ZNF638: variants seen among roughly 807,000 people sequenced by gnomAD.
The protein encoded by ZNF638 is CTCL tumor antigen se33-1.
Under a neutral mutation model 195.6 loss-of-function variants are expected in ZNF638, and 46 were observed. The observed-to-expected ratio is 0.24, with a 90% CI of 0.19 to 0.30. The LOEUF (loss-of-function observed/expected upper bound fraction) is 0.30. ZNF638 is among the 10% of genes least tolerant of loss of function. The probability of loss-of-function intolerance (pLI) is 1.00; values close to 1 mark genes in which losing one functional copy is unlikely to be tolerated. For missense variants in ZNF638, 2,440 were observed against 2,325.3 expected, an observed-to-expected ratio of 1.05 and a Z score of -1.01; for synonymous variants, 845 against 772.0, an observed-to-expected ratio of 1.09 and a Z score of -1.57.
chr2:71,373,773 TTTTC>T (rs1276981804), intron 8 of ZNF638, among the ~76,000 whole-genome samples: 2 of 152,202 alleles, frequency 1.3e-5, no homozygotes, highest in East Asian at 1.9e-4. Flanking sequence ...TTCTGCATTT[TTTTC>T]TTTATTATTT....
intron 20 of ZNF638, among the ~76,000 whole-genome samples, chr2:71,410,992 C>CCCCTCTTTT (rs1553484599): frequency 4.1e-5 from 1 of 24,506 alleles, no homozygotes; most frequent in Non-Finnish European, 7.7e-5. Context: ...CTCCCCCCCC[C>CCCCTCTTTT]TTTTTTTTTT....
chr2:71,342,247 A>T (rs2078774716), intron 1 of ZNF638, among the ~76,000 whole-genome samples: 1 of 149,912 alleles, frequency 6.7e-6, no homozygotes, highest in Non-Finnish European at 1.5e-5. Context: ...AGTCATACTA[A>T]TATTTAGGAC....
Position 71,355,641 on chromosome 2 carries a change from TTG to T in ZNF638, c.1318-76_1318-75del, listed in dbSNP as rs1466546378. The T allele has an allele frequency of 2.8e-5, 28 of 989,792 alleles. No individual in the cohort carries two copies. In the South Asian group the frequency reaches 3.5e-4, roughly 12 times the overall value. 61.3% of individuals were successfully genotyped at this position (989,792 alleles called of 1,614,324 possible). ...GTTTAATTTTTGAACAAAATATTAT[TTG>T]TCTTTTTTAAAAGCCTAATTCATTA... On this transcript the variant is annotated intron_variant, in intron 2 of 27. Transcript: ENST00000264447.
chr2:71,358,625 C>T (rs1432424899), intron 3 of ZNF638, among the ~76,000 whole-genome samples: 2 of 152,164 alleles, frequency 1.3e-5, no homozygotes, highest in Non-Finnish European at 2.9e-5. Flanking sequence ...AACAGTATGT[C>T]TTTCCTAATT....
intron 10 of ZNF638, among the ~76,000 whole-genome samples, chr2:71,391,729 C>T (rs1028488537): frequency 1.2e-4 from 18 of 151,422 alleles, no homozygotes; most frequent in African/African-American, 4.2e-4. Flanking sequence ...TAACTGGCAT[C>T]CCCCCACCTT....
intron 20 of ZNF638, among the ~76,000 whole-genome samples, chr2:71,417,213 A>G (rs868157419): frequency 4.6e-5 from 7 of 151,744 alleles, no homozygotes; most frequent in Admixed American, 2.0e-4. Context: ...GAAAAGCGCA[A>G]TATTCGGGTG....
intron 23 of ZNF638, among the ~76,000 whole-genome samples, chr2:71,425,935 A>G (rs1210420102): frequency 6.6e-6 from 1 of 152,172 alleles, no homozygotes; most frequent in Non-Finnish European, 1.5e-5. Context: ...GATTACAGGC[A>G]TGAGCCACCA....
intron 7 of ZNF638, 94 bp from the exon 8 acceptor site, chr2:71,369,789 T>G: frequency 1.6e-6 from 2 of 1,257,906 alleles, no homozygotes; most frequent in East Asian, 5.2e-5. Context: ...GTTTCATAGT[T>G]TGATGTTACA....
At position 71,350,128 on chromosome 2, in the gene ZNF638, T is replaced by C; in HGVS notation, c.1174T>C (p.Trp392Arg). The C allele has an allele frequency of 6.2e-7, 1 of 1,614,078 alleles. No homozygotes were observed. Among genetic ancestry groups the C allele is most frequent in the Non-Finnish European group, 8.5e-7 (1 of 1,180,034 alleles). ...TCCCTTTGGTATTGTGAAAGCATCCTGGCTACCAAAGTTTTCACATGCTGA... is the reference window on the plus strand; with the variant it reads ...TCCCTTTGGTATTGTGAAAGCATCCCGGCTACCAAAGTTTTCACATGCTGA... Reference protein sequence around the residue: ...RSPFGIVKASWLPKFSHADAQ... With the variant: ...RSPFGIVKASRLPKFSHADAQ... Residue 392 changes from tryptophan to arginine, a missense_variant, in exon 2 of 28, where the codon TGG becomes CGG. Physicochemically the swap from Trp to Arg is moderately radical, Grantham distance 101. Around this residue, in one of 5 missense-constraint regions of ZNF638, gnomAD observed 305 missense variants for 283.6 expected, o/e 1.08. Coordinates refer to ENST00000264447, the MANE Select transcript of ZNF638 (RefSeq NM_014497.5).
chr2:71,408,822 T>C, intron 20 of ZNF638: 1 of 353,626 alleles, frequency 2.8e-6, no homozygotes, highest in Non-Finnish European at 5.6e-6. Flanking sequence ...GTGTTGTCAA[T>C]CTGTTAAAAA....
At position 71,349,085 on chromosome 2, in the gene ZNF638, C is replaced by T. The variant is rs756606982; in HGVS notation, c.131C>T (p.Pro44Leu). ...PGSMGLPRFY[P>L]AGRARGIPHR... ...TCTATGGGTCTCCCAAGATTTTACC[C>T]AGCAGGGAGAGCACGTGGAATTCCA... Residue 44 changes from proline to leucine, a missense_variant, in exon 2 of 28, where the codon CCA (proline) becomes CTA (leucine). Around this residue, in one of 5 missense-constraint regions of ZNF638, gnomAD observed 191 missense variants for 173.8 expected, o/e 1.10. Coordinates refer to ENST00000264447, the MANE Select transcript of ZNF638 (RefSeq NM_014497.5). The T allele has an allele frequency of 6.2e-7, 1 of 1,614,198 alleles. No homozygotes were observed. The highest frequency in any genetic ancestry group is 1.1e-5 in the South Asian group (1 of 91,078).
At chr2:71,390,939 G>A (rs1029232280) in intron 10 of ZNF638, among the ~76,000 whole-genome samples, 1 of 152,184 alleles carries the variant, frequency 6.6e-6, no homozygotes, top group Non-Finnish European at 1.5e-5. Flanking sequence ...GCCCAATGGG[G>A]GCTGCAAACC....
rs186053724 is a variant in ZNF638, at chr2:71,419,171, A to G, written c.3299+532A>G. On this transcript the variant is annotated intron_variant, in intron 21 of 27. Transcript: ENST00000264447. ...CAAAGTCTCCACAAACTGGTGACTT[A>G]CAGCCTTGTTTTGACCACGTAAAGT... is the stretch of plus-strand genomic sequence containing the variant. Among the ~76,000 whole-genome samples, 104 of 152,352 alleles carry G rather than the reference A, an allele frequency of 6.8e-4. No individual in the cohort carries two copies. The Middle Eastern group carries it at 0.02, about 30-fold the overall frequency.
Position 71,406,275 on chromosome 2 carries a change from C to A in ZNF638, c.3135+13C>A. 2 of 1,607,270 alleles carry A rather than the reference C, an allele frequency of 1.2e-6. No homozygotes were observed. The highest frequency in any genetic ancestry group is 1.1e-5 in the South Asian group (1 of 90,834). ...TAATAGAAACAAGGTAACAAGTTCC[C>A]TCATAATTTAGCTATTCATTCTGTA... is the stretch of plus-strand genomic sequence containing the variant. On this transcript the variant is annotated intron_variant, in intron 19 of 27. Transcript: ENST00000264447.
chr2:71,424,222 C>T (rs576269484), intron 22 of ZNF638, among the ~76,000 whole-genome samples, 184 bp downstream of exon 22: 8 of 151,360 alleles, frequency 5.3e-5, no homozygotes, highest in African/African-American at 1.7e-4. Context: ...GAGTATTAAA[C>T]TCAAGTTCAT....
intron 25 of ZNF638, 73 bp downstream of exon 25, chr2:71,428,724 C>G: frequency 1.5e-6 from 2 of 1,327,018 alleles, no homozygotes; most frequent in Admixed American, 2.1e-5. Context: ...AAAGATCTAT[C>G]TAAGAAGAAA....
chr2:71,397,507 A>AT (rs773597087), intron 11 of ZNF638, among the ~76,000 whole-genome samples: 3 of 152,114 alleles, frequency 2.0e-5, no homozygotes, highest in Non-Finnish European at 4.4e-5. Flanking sequence ...TTTTTGTATG[A>AT]TTTTTAAAAG....
chr2:71,344,003 A>C (rs963998353), intron 1 of ZNF638, among the ~76,000 whole-genome samples: 3 of 152,134 alleles, frequency 2.0e-5, no homozygotes, highest in African/African-American at 7.2e-5. Context: ...GGTGGCACGC[A>C]CCTGTAGTCC....
rs2080652638 is a variant in ZNF638, at chr2:71,431,259, A to T, written c.5651-68A>T. 2.2e-6 allele frequency: 3 copies of T among 1,360,624 alleles called. No homozygotes were observed. The South Asian group carries it at 3.7e-5, about 17-fold the overall frequency. 84.3% of individuals were successfully genotyped at this position (1,360,624 alleles called of 1,614,324 possible). On this transcript the variant is annotated intron_variant, in intron 25 of 27. Transcript: ENST00000264447. The stretch of plus-strand genomic sequence containing the variant: ...CCTGAGAAAGAAAAAGGTAAGAATT[A>T]TCCAATGTTAACTTTACAAAGTCTG...
Sources: gnomAD v4.1 joint callset for allele counts (sites outside exome capture counted in the v4.1 genomes callset) on GRCh38, gnomAD v4.1.1 for gene constraint, gnomAD v4.1.1 regional missense constraint, MANE v1.5 for transcripts, NCBI Gene and HGNC (gene_info 2026-07-23, HGNC 2026-07-21) for gene names.